The following ZFYVE1 variants were observed in gnomAD, a reference collection of about 807,000 sequenced individuals.
The protein encoded by ZFYVE1 is zinc finger FYVE domain-containing protein 1.
ZFYVE1 carries 30 observed loss-of-function variants against 74.4 expected under a neutral mutation model. The ratio of observed to expected loss-of-function variants is 0.40; its 90% CI spans 0.30 to 0.55. ZFYVE1 has a LOEUF of 0.55. Among genes scored for constraint, ZFYVE1 ranks in the 20% least tolerant of loss-of-function variants. The pLI is 0.42. For synonymous variants in ZFYVE1, 335 were observed against 385.1 expected (o/e 0.87, Z 1.52); for missense variants, 703 against 1,011.6 (o/e 0.69, Z 4.14).
chr14:73,014,088 T>C (rs962584743), intron 2 of ZFYVE1, among the ~76,000 whole-genome samples: 3 of 152,148 alleles, frequency 2.0e-5, no homozygotes, highest in South Asian at 2.1e-4. Context: ...CTTCAAGGAA[T>C]TGACAGGCCA....
intron 4 of ZFYVE1, among the ~76,000 whole-genome samples, chr14:72,992,211 A>G (rs1284323336): frequency 6.6e-6 from 1 of 152,048 alleles, no homozygotes; most frequent in East Asian, 1.9e-4. Flanking sequence ...GCCTGGCTGT[A>G]AATCTCCCTC....
chr14:73,009,743 G>C (rs1433384151), intron 2 of ZFYVE1, among the ~76,000 whole-genome samples: 2 of 151,936 alleles, frequency 1.3e-5, no homozygotes, highest in Non-Finnish European at 2.9e-5. Flanking sequence ...GCAACAGAGT[G>C]AGACTCCATC....
intron 3 of ZFYVE1, 141 bp from the exon 4 acceptor site, chr14:72,993,498 T>TTCAG (rs1168564766): frequency 3.0e-6 from 2 of 659,470 alleles, no homozygotes; most frequent in African/African-American, 3.7e-5. Context: ...AGGTCAGGAG[T>TTCAG]TCAGCCTGGC....
chr14:72,987,330 G>A (rs1893506360), intron 4 of ZFYVE1, among the ~76,000 whole-genome samples: 1 of 152,186 alleles, frequency 6.6e-6, no homozygotes, highest in East Asian at 1.9e-4. Context: ...ACTTTGGGAG[G>A]CCAAGGCAGA....
Position 72,970,587 on chromosome 14 carries a change from T to C in ZFYVE1, c.*295A>G. On this transcript the variant is annotated 3_prime_UTR_variant, in exon 12 of 12. Coordinates refer to ENST00000556143, the MANE Select transcript of ZFYVE1 (RefSeq NM_021260.4). ...CTCGATACGCCCCGAGTGCCTTTCATATGTATATATGAGAGAGAGATATAC... is the reference window on the plus strand; with the variant it reads ...CTCGATACGCCCCGAGTGCCTTTCACATGTATATATGAGAGAGAGATATAC... 1 of 378,882 alleles carries C rather than the reference T, an allele frequency of 2.6e-6. No homozygotes were observed. Among genetic ancestry groups the C allele is most frequent in the Non-Finnish European group, 4.8e-6 (1 of 207,376 alleles). 23.5% of individuals were successfully genotyped at this position (378,882 alleles called of 1,614,324 possible). A position where few individuals can be genotyped will look rare whatever the true frequency, so the allele number is the denominator to read the frequency against.
At chr14:73,004,084 C>T (rs770227981) in intron 2 of ZFYVE1, among the ~76,000 whole-genome samples, 6 of 152,182 alleles carry the variant, frequency 3.9e-5, no homozygotes, top group Non-Finnish European at 5.9e-5. Context: ...TAGCAGACAA[C>T]GGAGAGAAAC....
intron 4 of ZFYVE1, among the ~76,000 whole-genome samples, chr14:72,988,636 G>A (rs974024259): frequency 4.0e-5 from 6 of 151,452 alleles, no homozygotes; most frequent in Admixed American, 1.3e-4. Context: ...GTGAAACCCC[G>A]TCTCTACTAA....
At chr14:73,005,439 G>A (rs1893958581) in intron 2 of ZFYVE1, among the ~76,000 whole-genome samples, 1 of 152,120 alleles carries the variant, frequency 6.6e-6, no homozygotes. Context: ...TGTTTGAAAT[G>A]GTCACTGGCC....
intron 2 of ZFYVE1, among the ~76,000 whole-genome samples, chr14:73,005,845 A>G (rs1893966500): frequency 6.6e-6 from 1 of 152,174 alleles, no homozygotes. Context: ...GCAATGTAGT[A>G]AGATCTAAAT....
Position 72,998,191 on chromosome 14 carries a change from T to C in ZFYVE1, c.608A>G (p.Tyr203Cys), listed in dbSNP as rs1332405600. The change falls in exon 3 of 12, where the codon TAT becomes TGT. Residue 203 changes from tyrosine to cysteine, a missense_variant. Transcript: ENST00000556143. ...KSHTLNHTFF[Y>C]GREVFKTSPT... Reference sequence around the variant, plus strand: ...GGAGGTTTTAAAGACTTCACGACCATAAAAGAAAGTGTGGTTGAGAGTATG... The same window carrying C: ...GGAGGTTTTAAAGACTTCACGACCACAAAAGAAAGTGTGGTTGAGAGTATG... 2 of 1,613,716 alleles carry C rather than the reference T, an allele frequency of 1.2e-6. No homozygotes were observed. The highest frequency in any genetic ancestry group is 8.5e-7 in the Non-Finnish European group (1 of 1,179,950).
intron 2 of ZFYVE1, among the ~76,000 whole-genome samples, chr14:73,004,475 T>TAC (rs1555533917): frequency 6.6e-6 from 1 of 151,962 alleles, no homozygotes; most frequent in African/African-American, 2.4e-5. Flanking sequence ...TATATATATA[T>TAC]AACTCATATG....
At chr14:72,986,185 G>A (rs915866096) in intron 4 of ZFYVE1, among the ~76,000 whole-genome samples, 3 of 152,144 alleles carry the variant, frequency 2.0e-5, no homozygotes, top group African/African-American at 7.2e-5. Flanking sequence ...AAGGCTTGGT[G>A]TGAAACAATC....
At chr14:73,023,322 A>T (rs867492711) in intron 2 of ZFYVE1, among the ~76,000 whole-genome samples, 1 of 100,682 alleles carries the variant, frequency 9.9e-6, no homozygotes, top group African/African-American at 4.1e-5. Flanking sequence ...TTTTATATAT[A>T]ATATATATTA....
chr14:72,992,665 T>C (rs1893648280), intron 4 of ZFYVE1, among the ~76,000 whole-genome samples: 1 of 143,188 alleles, frequency 7.0e-6, no homozygotes, highest in African/African-American at 2.6e-5. Flanking sequence ...CTCTTTCTTT[T>C]GCCTATCAAA....
intron 4 of ZFYVE1, among the ~76,000 whole-genome samples, chr14:72,985,419 G>A (rs1404615189): frequency 6.6e-6 from 1 of 152,038 alleles, no homozygotes; most frequent in Non-Finnish European, 1.5e-5. Flanking sequence ...TGCAACCTCT[G>A]CCTCCTGGTT....
chr14:72,974,948 C>T lies in ZFYVE1; in HGVS notation c.1818G>A (p.Lys606=), dbSNP rs1893129676. 4 of 1,609,902 alleles carry T rather than the reference C, an allele frequency of 2.5e-6. No homozygotes were observed. The highest frequency in any genetic ancestry group is 3.4e-6 in the Non-Finnish European group (4 of 1,176,596). ...CGTTATCTTTAAAGGACGTCGCACA[C>T]TTGTTGCAGCTCTGTTCCAAGCCCA... ...RPNSQILSCN[K]CATSFKDNDT... The change falls in exon 10 of 12, where the codon AAG becomes AAA. Residue 606 remains lysine (K), a synonymous_variant. Coordinates refer to ENST00000556143, the MANE Select transcript of ZFYVE1 (RefSeq NM_021260.4).
intron 2 of ZFYVE1, among the ~76,000 whole-genome samples, chr14:73,018,800 C>A (rs1244987883): frequency 6.6e-6 from 1 of 151,988 alleles, no homozygotes. Context: ...AAAAACTAGC[C>A]AGGCGTGGTG....
At chr14:72,986,499 C>T (rs868390599) in intron 4 of ZFYVE1, among the ~76,000 whole-genome samples, 1 of 147,824 alleles carries the variant, frequency 6.8e-6, no homozygotes, top group South Asian at 2.1e-4. Flanking sequence ...AAAAATCCAA[C>T]GTTAGCATGT....
At chr14:72,978,647 G>A (rs1222007260) in intron 6 of ZFYVE1, among the ~76,000 whole-genome samples, 1 of 146,884 alleles carries the variant, frequency 6.8e-6, no homozygotes, top group Non-Finnish European at 1.5e-5. Context: ...AACAGAATGA[G>A]AAGAAAATAA....
Sources: gnomAD v4.1 joint callset for allele counts (sites outside exome capture counted in the v4.1 genomes callset) on GRCh38, gnomAD v4.1.1 for gene constraint, MANE v1.5 for transcripts, NCBI Gene and HGNC (gene_info 2026-07-23, HGNC 2026-07-21) for gene names.